The following WAC variants were observed in gnomAD, a reference collection of about 807,000 sequenced individuals.
WAC encodes the protein WW domain containing adaptor with coiled-coil.
WAC carries 11 observed loss-of-function variants against 79.6 expected under a neutral mutation model. The observed-to-expected ratio is 0.14, with a 90% CI of 0.09 to 0.23. WAC has a LOEUF of 0.23. Among genes scored for constraint, WAC ranks in the 10% least tolerant of loss-of-function variants. The pLI is 1.00. For missense variants in WAC, 728 were observed against 773.5 expected, an observed-to-expected ratio of 0.94 and a Z score of 0.70; for synonymous variants, 304 against 276.9, an observed-to-expected ratio of 1.10 and a Z score of -0.97.
chr10:28,563,635 A>G (rs1003769005), intron 3 of WAC, among the ~76,000 whole-genome samples: 1 of 150,702 alleles, frequency 6.6e-6, no homozygotes, highest in Admixed American at 6.6e-5. Context: ...GCTGGAGTGC[A>G]GTGGCGCGAT....
chr10:28,593,261 T>A (rs1400005989), intron 6 of WAC, among the ~76,000 whole-genome samples: 1 of 152,122 alleles, frequency 6.6e-6, no homozygotes, highest in Non-Finnish European at 1.5e-5. Context: ...ATCCAAAACA[T>A]ATTGGCAGAG....
chr10:28,580,056 A>C (rs996143981), intron 3 of WAC, among the ~76,000 whole-genome samples: 16 of 152,216 alleles, frequency 1.1e-4, no homozygotes, highest in African/African-American at 3.9e-4. Flanking sequence ...TAAGCAGTCT[A>C]AGTAAATCTC....
chr10:28,558,306 G>A (rs1052084762), intron 3 of WAC, among the ~76,000 whole-genome samples: 1 of 152,032 alleles, frequency 6.6e-6, no homozygotes, highest in Non-Finnish European at 1.5e-5. Context: ...CAGACCTTAA[G>A]CAGTTAGGGA....
chr10:28,571,380 C>T (rs188670398), intron 3 of WAC, among the ~76,000 whole-genome samples: 3 of 152,216 alleles, frequency 2.0e-5, no homozygotes, highest in Non-Finnish European at 4.4e-5. Context: ...GTATCCAAGG[C>T]CCCTTAGTAG....
At chr10:28,570,371 A>G (rs754949255) in intron 3 of WAC, among the ~76,000 whole-genome samples, 2 of 152,182 alleles carry the variant, frequency 1.3e-5, no homozygotes, top group Admixed American at 6.5e-5. Flanking sequence ...GATGATGTTT[A>G]TATTCTTGGA....
chr10:28,565,046 T>C (rs1274570563), intron 3 of WAC, among the ~76,000 whole-genome samples: 8 of 152,202 alleles, frequency 5.3e-5, no homozygotes, highest in Non-Finnish European at 1.2e-4. Context: ...GCCTCTCTAG[T>C]TTTGTCATTT....
intron 4 of WAC, 78 bp downstream of exon 4, chr10:28,583,583 AGTCTTGT>A: frequency 1.0e-6 from 1 of 989,956 alleles, no homozygotes; most frequent in Non-Finnish European, 1.5e-6. Context: ...ACCCATGGCA[AGTCTTGT>A]AAAATCTAAT....
intron 3 of WAC, among the ~76,000 whole-genome samples, chr10:28,571,491 C>G (rs1838960552): frequency 6.6e-6 from 1 of 152,162 alleles, no homozygotes. Flanking sequence ...TCACCATGTA[C>G]TTTCCTACTT....
At chr10:28,560,522 G>A (rs1014082522) in intron 3 of WAC, among the ~76,000 whole-genome samples, 6 of 152,162 alleles carry the variant, frequency 3.9e-5, no homozygotes, top group African/African-American at 1.4e-4. Context: ...TTCTGGTTTA[G>A]ACACCAAACA....
intron 3 of WAC, among the ~76,000 whole-genome samples, chr10:28,569,317 T>C (rs1838821722): frequency 6.6e-6 from 1 of 152,200 alleles, no homozygotes; most frequent in African/African-American, 2.4e-5. Context: ...GCAAAAACTT[T>C]TTCATATTAA....
In WAC at chr10:28,533,981, C is replaced by A. The variant is rs1488892056; in HGVS notation, c.42-17C>A. The A allele has an allele frequency of 4.4e-6, 7 of 1,606,330 alleles. No individual in the cohort carries two copies. The highest frequency in any genetic ancestry group is 5.9e-6 in the Non-Finnish European group (7 of 1,176,602). ...GCGCCGTGTCTTATGTCGCTGCCTT[C>A]TCTTCCTGTTTTTCAGCTGTCACGA... is the stretch of plus-strand genomic sequence containing the variant. On this transcript the variant is annotated splice_polypyrimidine_tract_variant and intron_variant, in intron 1 of 13. Coordinates refer to ENST00000354911, the MANE Select transcript of WAC (RefSeq NM_016628.5).
chr10:28,597,659 T>C (rs1840451609), intron 7 of WAC, among the ~76,000 whole-genome samples: 1 of 152,234 alleles, frequency 6.6e-6, no homozygotes, highest in South Asian at 2.1e-4. Flanking sequence ...CAGACTTACG[T>C]ATCTACTTAC....
chr10:28,545,745 T>C (rs548048888), intron 3 of WAC, among the ~76,000 whole-genome samples: 4 of 152,318 alleles, frequency 2.6e-5, no homozygotes, highest in African/African-American at 9.6e-5. Context: ...TAACTTAATA[T>C]CCTGTGCAAG....
intron 9 of WAC, 43 bp from the exon 10 acceptor site, chr10:28,611,731 T>C: frequency 6.3e-7 from 1 of 1,599,668 alleles, no homozygotes; most frequent in East Asian, 2.2e-5. Context: ...TTTTTTGTTT[T>C]GTTTTGTTTT....
intron 3 of WAC, among the ~76,000 whole-genome samples, chr10:28,543,322 AT>A (rs79930434): frequency 0.23 from 34,275 of 152,226 alleles, 4,694 homozygotes; most frequent in Non-Finnish European, 0.28. Context: ...ATTTTAGTAT[AT>A]TTTATTTGAC....
intron 3 of WAC, among the ~76,000 whole-genome samples, chr10:28,551,784 T>TTGGGTGTGTGTGTG (rs1837683236): frequency 8.0e-6 from 1 of 124,808 alleles, no homozygotes; most frequent in Non-Finnish European, 1.6e-5. Context: ...TCCTGTCTAC[T>TTGGGTGTGTGTGTG]TGTGTGTGTG....
intron 3 of WAC, among the ~76,000 whole-genome samples, chr10:28,536,365 C>CCAAA (rs754939452): frequency 6.6e-6 from 1 of 151,904 alleles, no homozygotes. Context: ...AAGAAAGGAA[C>CCAAA]TTTGACCTTT....
At position 28,533,148 on chromosome 10, in the gene WAC, A is replaced by AG. The variant is rs1564365955; in HGVS notation, c.-431dup. ...GCCCGGATGTAGTTGGTGGAGCGGCAGCGGCGGCACCAGCGGCGGCGGCGG... is the reference window on the plus strand; with the variant it reads ...GCCCGGATGTAGTTGGTGGAGCGGCAGGCGGCGGCACCAGCGGCGGCGGCGG... On this transcript the variant is annotated 5_prime_UTR_variant, in exon 1 of 14. Coordinates refer to ENST00000354911, the MANE Select transcript of WAC (RefSeq NM_016628.5). 6.0e-6 allele frequency: 1 copy of AG among 166,452 alleles called. No homozygotes were observed. The highest frequency in any genetic ancestry group is 1.3e-5 in the Non-Finnish European group (1 of 78,016). 10.3% of individuals were successfully genotyped at this position (166,452 alleles called of 1,614,324 possible).
chr10:28,589,399 T>C (rs976698642), intron 4 of WAC: 1 of 176,228 alleles, frequency 5.7e-6, no homozygotes, highest in Non-Finnish European at 1.2e-5. Flanking sequence ...GAGAGTGCAT[T>C]CCCCACCCCC....
Sources: gnomAD v4.1 joint callset for allele counts (sites outside exome capture counted in the v4.1 genomes callset) on GRCh38, gnomAD v4.1.1 for gene constraint, MANE v1.5 for transcripts, NCBI Gene and HGNC (gene_info 2026-07-23, HGNC 2026-07-21) for gene names.